Variants in CALHM6 observed in about 807,000 individuals in gnomAD.
CALHM6 encodes the protein calcium homeostasis modulator protein 6.
A neutral mutation model predicts 12.7 loss-of-function variants in CALHM6; 15 were observed. The observed-to-expected ratio is 1.18, with a 90% confidence interval of 0.79 to 1.82. The LOEUF is 1.82. Ranked by LOEUF, CALHM6 falls within the 40% of genes most tolerant of loss-of-function variation. CALHM6 has a pLI of 0.00. For missense variants in CALHM6, 434 were observed against 421.0 expected (o/e 1.03, Z -0.27); for synonymous variants, 212 against 193.7 (o/e 1.09, Z -0.78).
In CALHM6 at chr6:116,463,548, A is replaced by G; in HGVS notation, c.791A>G (p.Tyr264Cys). ...GAGTGGCAGCAAATTTCATCACTGTATACTTTCAATCCGAAGGGCCAGTAC... is the reference window on the plus strand; with the variant it reads ...GAGTGGCAGCAAATTTCATCACTGTGTACTTTCAATCCGAAGGGCCAGTAC... The part of the protein sequence containing the change: ...MKEWQQISSL[Y>C]TFNPKGQYYS... The change falls in exon 3 of 3, where the codon TAT becomes TGT. Residue 264 changes from tyrosine to cysteine, a missense_variant. By Grantham distance (194) the Tyr-to-Cys change is radical. Coordinates refer to ENST00000368605, the MANE Select transcript of CALHM6 (RefSeq NM_001010919.3). 3.7e-6 allele frequency: 6 copies of G among 1,614,158 alleles called. No homozygotes were observed. The highest frequency in any genetic ancestry group is 1.3e-5 in the African/African-American group (1 of 75,062).
chr6:116,463,759 A>C lies in CALHM6; in HGVS notation c.*54A>C. 7.3e-7 allele frequency: 1 copy of C among 1,373,980 alleles called. No homozygotes were observed. The highest frequency in any genetic ancestry group is 9.8e-7 in the Non-Finnish European group (1 of 1,024,346). 85.1% of individuals were successfully genotyped at this position (1,373,980 alleles called of 1,614,324 possible). On this transcript the variant is annotated 3_prime_UTR_variant, in exon 3 of 3. Coordinates refer to ENST00000368605, the MANE Select transcript of CALHM6 (RefSeq NM_001010919.3). The stretch of plus-strand genomic sequence containing the variant: ...TTTTGAATTATTGCTTTATTAAAAA[A>C]TAAACATTGGTATTTTTTGAGTGCT...
chr6:116,461,792 T>TAAAAAAA (rs4031591), intron 1 of CALHM6, 80 bp from the exon 2 acceptor site: 221 of 747,102 alleles, frequency 3.0e-4, no homozygotes, highest in South Asian at 1.2e-3. Flanking sequence ...CTCTTCCCTT[T>TAAAAAAA]AAAAAAAAAA....
rs945318699 is a variant in CALHM6 at position 116,462,211 on chromosome 6, C to T, written c.282C>T (p.Arg94=). 1.3e-5 allele frequency: 20 copies of T among 1,485,132 alleles called. No individual in the cohort carries two copies. Among genetic ancestry groups the T allele is most frequent in the Non-Finnish European group, 1.7e-5 (19 of 1,121,748 alleles). The allele number at this position is 1,485,132 out of a possible 1,614,324, so 92.0% of individuals were successfully genotyped here. A position where few individuals can be genotyped will look rare whatever the true frequency, so the allele number is the denominator to read the frequency against. ...SARASCGSAL[R]GSLVCTQISA... is the part of the protein sequence containing the mutation. ...GCGCGAGTTGCGGATCGGCGCTGCGCGGCTCCCTGGTGTGCACGCAAATCA... is the reference window on the plus strand; with the variant it reads ...GCGCGAGTTGCGGATCGGCGCTGCGTGGCTCCCTGGTGTGCACGCAAATCA... The change falls in exon 2 of 3, where the codon CGC becomes CGT. Residue 94 remains arginine, a synonymous_variant. Coordinates refer to ENST00000368605, the MANE Select transcript of CALHM6 (RefSeq NM_001010919.3).
chr6:116,461,795 A>T, intron 1 of CALHM6, 77 bp from the exon 2 acceptor site: 1 of 994,650 alleles, frequency 1.0e-6, no homozygotes, highest in Non-Finnish European at 1.3e-6. Flanking sequence ...TTCCCTTTAA[A>T]AAAAAAAAAA....
chr6:116,461,739 G>A, intron 1 of CALHM6, 133 bp from the exon 2 acceptor site: 2 of 725,728 alleles, frequency 2.8e-6, no homozygotes, highest in Non-Finnish European at 4.2e-6. Flanking sequence ...GAGGTGGTGT[G>A]GCTGAAATGA....
In CALHM6 at chr6:116,463,504, T is replaced by C; in HGVS notation, c.747T>C (p.Tyr249=). 1.9e-6 allele frequency: 3 copies of C among 1,614,156 alleles called. No individual in the cohort carries two copies. The highest frequency in any genetic ancestry group is 2.5e-6 in the Non-Finnish European group (3 of 1,180,020). ...CFFEGSHPKE[Y]NTPSMKEWQQ... is the part of the protein sequence containing the mutation. ...TTGAGGGCTCGCATCCAAAAGAATATAACACTCCAAGCATGAAAGAGTGGC... is the reference window on the plus strand; with the variant it reads ...TTGAGGGCTCGCATCCAAAAGAATACAACACTCCAAGCATGAAAGAGTGGC... Residue 249 remains tyrosine (Y), a synonymous_variant, in exon 3 of 3, where the codon TAT becomes TAC. Coordinates refer to ENST00000368605, the MANE Select transcript of CALHM6 (RefSeq NM_001010919.3).
Position 116,461,946 on chromosome 6 carries a change from C to T in CALHM6, c.17C>T (p.Ala6Val), listed in dbSNP as rs888683321. 1 of 1,517,388 alleles carries T rather than the reference C, an allele frequency of 6.6e-7. No homozygotes were observed. The highest frequency in any genetic ancestry group is 1.4e-5 in the African/African-American group (1 of 71,682). 94.0% of individuals were successfully genotyped at this position (1,517,388 alleles called of 1,614,324 possible). ...ACGAGGCTCATGGAGAAGTTTCGGG[C>T]GGTGCTGGACCTGCACGTCAAGCAC... MEKFR[A>V]VLDLHVKHHS... Residue 6 changes from alanine to valine, a missense_variant, in exon 2 of 3, where the codon GCG becomes GTG. Physicochemically the swap from Ala to Val is moderately conservative, Grantham distance 64. Coordinates refer to ENST00000368605, the MANE Select transcript of CALHM6 (RefSeq NM_001010919.3).
Position 116,462,297 on chromosome 6 carries a change from T to C in CALHM6, c.368T>C (p.Phe123Ser). 1 of 1,424,394 alleles carries C rather than the reference T, an allele frequency of 7.0e-7. No individual in the cohort carries two copies. Among genetic ancestry groups the C allele is most frequent in the Non-Finnish European group, 9.1e-7 (1 of 1,095,642 alleles). 88.2% of individuals were successfully genotyped at this position (1,424,394 alleles called of 1,614,324 possible). Reference protein sequence around the residue: ...WVAVALLGGAFYECAATGSAA... With the variant: ...WVAVALLGGASYECAATGSAA... ...GCCGTGGCGCTGCTCGGGGGCGCCT[T>C]TTACGAGTGCGCGGCCACCGGGAGC... Residue 123 changes from phenylalanine to serine, a missense_variant, in exon 2 of 3, where the codon TTT (phenylalanine) becomes TCT (serine). By Grantham distance (155) the Phe-to-Ser change is radical. Coordinates refer to ENST00000368605, the MANE Select transcript of CALHM6 (RefSeq NM_001010919.3).
At chr6:116,461,813 TGCTTCTC>T (rs1784775063) in intron 1 of CALHM6, 52 bp from the exon 2 acceptor site, 2 of 677,374 alleles carry the variant, frequency 3.0e-6, no homozygotes, top group Admixed American at 6.0e-5. Flanking sequence ...AAAAAAAGGC[TGCTTCTC>T]GCAGAGTGGA....
rs1419599866 is a variant in CALHM6, at chr6:116,461,907, C to T, written c.-23C>T. The stretch of plus-strand genomic sequence containing the variant: ...AGGCAGAAGGATCTGGGCCTGTGCG[C>T]GACGCCCCGGGGGACGAGGCTCATG... On this transcript the variant is annotated 5_prime_UTR_variant, in exon 2 of 3. Coordinates refer to ENST00000368605, the MANE Select transcript of CALHM6 (RefSeq NM_001010919.3). 5.4e-6 allele frequency: 8 copies of T among 1,479,216 alleles called. No individual in the cohort carries two copies. The East Asian group carries it at 1.0e-4, about 19-fold the overall frequency. The allele number at this position is 1,479,216 out of a possible 1,614,324, so 91.6% of individuals were successfully genotyped here.
Position 116,462,260 on chromosome 6 carries a change from C to T in CALHM6, c.331C>T (p.Leu111Phe). 1 of 1,378,060 alleles carries T rather than the reference C, an allele frequency of 7.3e-7. No individual in the cohort carries two copies. Among genetic ancestry groups the T allele is most frequent in the Non-Finnish European group, 9.3e-7 (1 of 1,073,010 alleles). The allele number at this position is 1,378,060 out of a possible 1,614,324, so 85.4% of individuals were successfully genotyped here. A position where few individuals can be genotyped will look rare whatever the true frequency, so the allele number is the denominator to read the frequency against. ...QISAAAALAP[L>F]TWVAVALLGG... ...CAGCGCGGCCGCCGCGCTCGCGCCC[C>T]TCACCTGGGTGGCCGTGGCGCTGCT... The change falls in exon 2 of 3, where the codon CTC (leucine) becomes TTC (phenylalanine). Residue 111 changes from leucine (L) to phenylalanine (F), a missense_variant. Physicochemically the swap from Leu to Phe is conservative, Grantham distance 22. Transcript: ENST00000368605.
At position 116,462,308 on chromosome 6, in the gene CALHM6, G is replaced by T; in HGVS notation, c.379G>T (p.Ala127Ser). 1 of 1,427,628 alleles carries T rather than the reference G, an allele frequency of 7.0e-7. No individual in the cohort carries two copies. Among genetic ancestry groups the T allele is most frequent in the Non-Finnish European group, 9.1e-7 (1 of 1,096,794 alleles). 88.4% of individuals were successfully genotyped at this position (1,427,628 alleles called of 1,614,324 possible). A position where few individuals can be genotyped will look rare whatever the true frequency, so the allele number is the denominator to read the frequency against. ...ALLGGAFYEC[A>S]ATGSAAFAQR... ...GCTCGGGGGCGCCTTTTACGAGTGCGCGGCCACCGGGAGCGCGGCCTTCGC... is the reference window on the plus strand; with the variant it reads ...GCTCGGGGGCGCCTTTTACGAGTGCTCGGCCACCGGGAGCGCGGCCTTCGC... The change falls in exon 2 of 3, where the codon GCG becomes TCG. Residue 127 changes from alanine to serine, a missense_variant. Ala to Ser is a moderately conservative substitution (Grantham distance 99). Coordinates refer to ENST00000368605, the MANE Select transcript of CALHM6 (RefSeq NM_001010919.3).
Position 116,462,472 on chromosome 6 carries a change from G to C in CALHM6, c.525+18G>C. The C allele has an allele frequency of 1.1e-5, 16 of 1,480,500 alleles. No individual in the cohort carries two copies. Among genetic ancestry groups the C allele is most frequent in the Non-Finnish European group, 1.3e-5 (15 of 1,113,340 alleles). 91.7% of individuals were successfully genotyped at this position (1,480,500 alleles called of 1,614,324 possible). A position where few individuals can be genotyped will look rare whatever the true frequency, so the allele number is the denominator to read the frequency against. On this transcript the variant is annotated intron_variant, in intron 2 of 2. Coordinates refer to ENST00000368605, the MANE Select transcript of CALHM6 (RefSeq NM_001010919.3). The stretch of plus-strand genomic sequence containing the variant: ...AGTCGCAGGTCTGCCGCTGGCGCTG[G>C]GGGCGTTTGGGAGGAGCCGAGAGGC...
intron 2 of CALHM6, 158 bp downstream of exon 2, chr6:116,462,612 T>G: frequency 2.0e-6 from 1 of 508,590 alleles, no homozygotes; most frequent in Non-Finnish European, 3.5e-6. Context: ...GTCAAGAGAA[T>G]ATCTGAATAA....
rs1243134683 is a variant in CALHM6, at chr6:116,462,182, G to T, written c.253G>T (p.Ala85Ser). Reference sequence around the variant, plus strand: ...CCTGCTCACCGGATGCTGCTCCAGCGCCCGCGCGAGTTGCGGATCGGCGCT... The same window carrying T: ...CCTGCTCACCGGATGCTGCTCCAGCTCCCGCGCGAGTTGCGGATCGGCGCT... The part of the protein sequence containing the change: ...WRLLTGCCSS[A>S]RASCGSALRG... Residue 85 changes from alanine (A) to serine (S), a missense_variant, in exon 2 of 3, where the codon GCC (alanine) becomes TCC (serine). Physicochemically the swap from Ala to Ser is moderately conservative, Grantham distance 99. Coordinates refer to ENST00000368605, the MANE Select transcript of CALHM6 (RefSeq NM_001010919.3). 5.8e-5 allele frequency: 88 copies of T among 1,512,626 alleles called. No individual in the cohort carries two copies. The highest frequency in any genetic ancestry group is 7.7e-5 in the Non-Finnish European group (87 of 1,134,056). The allele number at this position is 1,512,626 out of a possible 1,614,324, so 93.7% of individuals were successfully genotyped here. A position where few individuals can be genotyped will look rare whatever the true frequency, so the allele number is the denominator to read the frequency against.
In CALHM6 at chr6:116,462,056, T is replaced by C. The variant is rs1320783693; in HGVS notation, c.127T>C (p.Cys43Arg). Residue 43 changes from cysteine to arginine, a missense_variant, in exon 2 of 3, where the codon TGC becomes CGC. Coordinates refer to ENST00000368605, the MANE Select transcript of CALHM6 (RefSeq NM_001010919.3). ...IFSAVAFQCP[C>R]SAAWNLPYGL... ...CTCCGCCGTGGCATTCCAGTGCCCGTGCAGCGCCGCCTGGAACCTGCCCTA... is the reference window on the plus strand; with the variant it reads ...CTCCGCCGTGGCATTCCAGTGCCCGCGCAGCGCCGCCTGGAACCTGCCCTA... The C allele has an allele frequency of 6.5e-7, 1 of 1,548,252 alleles. No individual in the cohort carries two copies. Among genetic ancestry groups the C allele is most frequent in the Non-Finnish European group, 8.7e-7 (1 of 1,146,396 alleles).
chr6:116,462,361 C>A lies in CALHM6; in HGVS notation c.432C>A (p.Arg144=). 6.9e-7 allele frequency: 1 copy of A among 1,453,262 alleles called. No homozygotes were observed. The highest frequency in any genetic ancestry group is 9.0e-7 in the Non-Finnish European group (1 of 1,107,982). 90.0% of individuals were successfully genotyped at this position (1,453,262 alleles called of 1,614,324 possible). A position where few individuals can be genotyped will look rare whatever the true frequency, so the allele number is the denominator to read the frequency against. ...FAQRLCLGRN[R]SCAAELPLVP... ...AGCGCCTGTGCCTCGGCCGCAACCG[C>A]AGCTGCGCCGCGGAGCTGCCGCTGG... Residue 144 remains arginine (R), a synonymous_variant, in exon 2 of 3, where the codon CGC becomes CGA. Transcript: ENST00000368605.
Position 116,463,555 on chromosome 6 carries a change from C to G in CALHM6, c.798C>G (p.Phe266Leu). The G allele has an allele frequency of 6.2e-7, 1 of 1,614,126 alleles. No homozygotes were observed. Among genetic ancestry groups the G allele is most frequent in the South Asian group, 1.1e-5 (1 of 91,076 alleles). The change falls in exon 3 of 3, where the codon TTC becomes TTG. Residue 266 changes from phenylalanine to leucine, a missense_variant. Physicochemically the swap from Phe to Leu is conservative, Grantham distance 22 (BLOSUM62 0). Transcript: ENST00000368605. ...AGCAAATTTCATCACTGTATACTTTCAATCCGAAGGGCCAGTACTACAGCA... is the reference window on the plus strand; with the variant it reads ...AGCAAATTTCATCACTGTATACTTTGAATCCGAAGGGCCAGTACTACAGCA... Reference protein sequence around the residue: ...EWQQISSLYTFNPKGQYYSML... With the variant: ...EWQQISSLYTLNPKGQYYSML...
rs758599759 is a variant in CALHM6, at chr6:116,463,489, G to A, written c.732G>A (p.Ser244=). ...KENIKCFFEG[S]HPKEYNTPSM... Reference sequence around the variant, plus strand: ...ATATTAAATGTTTCTTTGAGGGCTCGCATCCAAAAGAATATAACACTCCAA... The same window carrying A: ...ATATTAAATGTTTCTTTGAGGGCTCACATCCAAAAGAATATAACACTCCAA... The change falls in exon 3 of 3, where the codon TCG becomes TCA. Residue 244 remains serine (S), a synonymous_variant. Transcript: ENST00000368605. The A allele has an allele frequency of 1.2e-5, 20 of 1,614,008 alleles. No homozygotes were observed. In the South Asian group the frequency reaches 1.3e-4, roughly 11 times the overall value.
Sources: allele counts gnomAD v4.1 joint callset, GRCh38; gene constraint gnomAD v4.1.1; transcripts MANE v1.5; gene names NCBI Gene and HGNC (gene_info 2026-07-23, HGNC 2026-07-21).